The following CCSER1 variants were observed in gnomAD, a reference collection of about 807,000 sequenced individuals.
CCSER1 encodes the protein coiled-coil serine rich protein 1.
CCSER1 carries 41 observed loss-of-function variants against 82.0 expected under a neutral mutation model. That is an observed-to-expected ratio of 0.50 (90% CI 0.39 to 0.65). The LOEUF (loss-of-function observed/expected upper bound fraction) is 0.65. Among genes scored for constraint, CCSER1 ranks in the 30% least tolerant of loss-of-function variants. The pLI is 0.00. For missense variants in CCSER1, 1,119 were observed against 1,064.2 expected, an observed-to-expected ratio of 1.05 and a Z score of -0.72; for synonymous variants, 414 against 383.9, an observed-to-expected ratio of 1.08 and a Z score of -0.92.
At chr4:91,536,391 T>C (rs368541072) in intron 10 of CCSER1, among the ~76,000 whole-genome samples, 10 of 152,004 alleles carry the variant, frequency 6.6e-5, no homozygotes, top group East Asian at 1.9e-4. Flanking sequence ...GAGAGAGAGA[T>C]AGGCAGACAA....
chr4:90,179,421 C>T (rs1733315306), intron 1 of CCSER1, among the ~76,000 whole-genome samples: 2 of 152,166 alleles, frequency 1.3e-5, no homozygotes, highest in Non-Finnish European at 2.9e-5. Context: ...GACAGGGTCT[C>T]ACTCTCTGTA....
intron 9 of CCSER1, among the ~76,000 whole-genome samples, chr4:91,017,818 T>C (rs1477834369): frequency 7.8e-6 from 1 of 127,870 alleles, no homozygotes; most frequent in East Asian, 2.2e-4. Flanking sequence ...AAATTGTGTG[T>C]GTGTGTGTGT....
At position 90,309,068 on chromosome 4, in the gene CCSER1, G is replaced by A; in HGVS notation, c.784G>A (p.Ala262Thr). Reference sequence around the variant, plus strand: ...AGCTCAGACACCTTCAGAATTTTTAGCCTTGACTGAAGATTCTGTGTCTGA... The same window carrying A: ...AGCTCAGACACCTTCAGAATTTTTAACCTTGACTGAAGATTCTGTGTCTGA... ...TTAQTPSEFL[A>T]LTEDSVSEMD... is the part of the protein sequence containing the mutation. Residue 262 changes from alanine to threonine, a missense_variant, in exon 2 of 11, where the codon GCC becomes ACC. By Grantham distance (58) the Ala-to-Thr change is moderately conservative. Coordinates refer to ENST00000509176, the MANE Select transcript of CCSER1 (RefSeq NM_001145065.2). The A allele has an allele frequency of 6.2e-7, 1 of 1,613,824 alleles. No individual in the cohort carries two copies. Among genetic ancestry groups the A allele is most frequent in the South Asian group, 1.1e-5 (1 of 91,080 alleles).
At chr4:90,838,081 AC>A (rs1420760376) in intron 8 of CCSER1, among the ~76,000 whole-genome samples, 4 of 152,030 alleles carry the variant, frequency 2.6e-5, no homozygotes, top group African/African-American at 7.2e-5. Flanking sequence ...AAGAAAAAAA[AC>A]CCAATCTTTT....
chr4:91,411,769 G>A (rs1753067168), intron 10 of CCSER1, among the ~76,000 whole-genome samples: 1 of 147,848 alleles, frequency 6.8e-6, no homozygotes, highest in South Asian at 2.1e-4. Context: ...TGTTTTGGAT[G>A]AACAAGATAG....
chr4:91,503,133 G>A (rs987098224), intron 10 of CCSER1, among the ~76,000 whole-genome samples: 3 of 152,022 alleles, frequency 2.0e-5, no homozygotes, highest in Admixed American at 6.6e-5. Context: ...ACGAGGTCAG[G>A]AGATCGAGAC....
At position 91,122,705 on chromosome 4, in the gene CCSER1, A is replaced by G. The variant is rs117929212; in HGVS notation, c.2217+36711A>G. ...CTAGCACATTGAACTCATTATGAAG[A>G]AGGTCAAAAACAAAGAATACTTTTT... On this transcript the variant is annotated intron_variant, in intron 10 of 10. Coordinates refer to ENST00000509176, the MANE Select transcript of CCSER1 (RefSeq NM_001145065.2). 4.1e-4 allele frequency among the ~76,000 whole-genome samples: 62 copies of G among 151,672 alleles called. 4 individuals carry two copies. In the East Asian group the frequency reaches 0.012, roughly 29 times the overall value.
intron 4 of CCSER1, among the ~76,000 whole-genome samples, chr4:90,421,561 A>G (rs537707276): frequency 3.3e-5 from 5 of 152,208 alleles, no homozygotes; most frequent in Non-Finnish European, 5.9e-5. Context: ...AGGAAAGTAC[A>G]AGATAGGATT....
intron 3 of CCSER1, among the ~76,000 whole-genome samples, chr4:90,370,804 G>A (rs1423664441): frequency 6.6e-6 from 1 of 151,892 alleles, no homozygotes; most frequent in African/African-American, 2.4e-5. Flanking sequence ...AGATTTAAAG[G>A]TCCTACCGTT....
chr4:91,390,178 A>G (rs1751562080), intron 10 of CCSER1, among the ~76,000 whole-genome samples: 6 of 151,968 alleles, frequency 3.9e-5, no homozygotes. Flanking sequence ...TAGATTTTTA[A>G]AAAACTCAAT....
At chr4:90,644,210 T>A (rs1253680525) in intron 6 of CCSER1, among the ~76,000 whole-genome samples, 1 of 152,176 alleles carries the variant, frequency 6.6e-6, no homozygotes, top group African/African-American at 2.4e-5. Context: ...TTTGCGTATA[T>A]GTAATGAGAT....
In CCSER1 at chr4:90,645,103, A is replaced by C. The variant is rs56056127; in HGVS notation, c.1932+16871A>C. On this transcript the variant is annotated intron_variant, in intron 6 of 10. Transcript: ENST00000509176. ...GTCTAAAAAAAAAAAAAAAGAAAAA[A>C]AGACACGATCTCATTCTTTTGCGGC... Among the ~76,000 whole-genome samples, 1,109 of 152,036 alleles carry C rather than the reference A, an allele frequency of 7.3e-3. 14 individuals are homozygous for C. Among genetic ancestry groups the C allele is most frequent in the African/African-American group, 0.026 (1,059 of 41,484 alleles).
chr4:90,932,984 GA>G (rs1249527585), intron 9 of CCSER1, among the ~76,000 whole-genome samples: 3 of 20,524 alleles, frequency 1.5e-4, no homozygotes, highest in Admixed American at 1.2e-3. Context: ...GAAAGAAAGA[GA>G]AAGAAAGAAA....
intron 8 of CCSER1, among the ~76,000 whole-genome samples, chr4:90,871,881 C>T (rs1053717283): frequency 6.6e-5 from 10 of 151,700 alleles, no homozygotes; most frequent in Non-Finnish European, 4.4e-5. Context: ...TTGTTAATAT[C>T]CTCATGCTGT....
At position 91,382,480 on chromosome 4, in the gene CCSER1, C is replaced by T. The variant is rs187879873; in HGVS notation, c.2218-216092C>T. ...ACTACTGTGCTAGCAATGAGTGAGG[C>T]TCCATGGTCATGGGACCCTCTGAGC... On this transcript the variant is annotated intron_variant, in intron 10 of 10. Transcript: ENST00000509176. Among the ~76,000 whole-genome samples the T allele has an allele frequency of 1.5e-3, 229 of 152,290 alleles. 1 individual carries two copies. Among genetic ancestry groups the T allele is most frequent in the Admixed American group, 0.014 (213 of 15,288 alleles).
chr4:90,740,616 A>G (rs1294937285), intron 7 of CCSER1, among the ~76,000 whole-genome samples: 2 of 152,208 alleles, frequency 1.3e-5, no homozygotes, highest in African/African-American at 2.4e-5. Context: ...AAAGGTTGGT[A>G]CAAGATAAAG....
intron 7 of CCSER1, among the ~76,000 whole-genome samples, chr4:90,750,767 G>A (rs1236988827): frequency 6.6e-6 from 1 of 152,080 alleles, no homozygotes; most frequent in Non-Finnish European, 1.5e-5. Context: ...AATTTTATAT[G>A]AATATTGGTA....
At position 90,389,061 on chromosome 4, in the gene CCSER1, C is replaced by A. The variant is rs1240319728; in HGVS notation, c.1510-10975C>A. On this transcript the variant is annotated intron_variant, in intron 3 of 10. Transcript: ENST00000509176. ...AAAATATCCATGCCACAAAAATGTC[C>A]ATTTTTTAAGAACTACAACGATTTT... Among the ~76,000 whole-genome samples the A allele has an allele frequency of 5.3e-5, 8 of 152,094 alleles. No individual in the cohort carries two copies. The East Asian group carries it at 1.5e-3, about 29-fold the overall frequency.
At chr4:91,378,004 A>G (rs1180930534) in intron 10 of CCSER1, among the ~76,000 whole-genome samples, 4 of 152,130 alleles carry the variant, frequency 2.6e-5, no homozygotes, top group Non-Finnish European at 1.5e-5. Flanking sequence ...TATTAAATAT[A>G]GAATTCTTTC....
Sources: gnomAD v4.1 joint callset for allele counts (sites outside exome capture counted in the v4.1 genomes callset) on GRCh38, gnomAD v4.1.1 for gene constraint, MANE v1.5 for transcripts, NCBI Gene and HGNC (gene_info 2026-07-23, HGNC 2026-07-21) for gene names.